USP40: variants seen among roughly 807,000 people sequenced by gnomAD.
The protein encoded by USP40 is ubiquitin specific peptidase 40.
USP40 carries 143 observed loss-of-function variants against 166.2 expected under a neutral mutation model. That is an observed-to-expected ratio of 0.86 (90% CI 0.75 to 0.99). The LOEUF (loss-of-function observed/expected upper bound fraction) is 0.99, where lower values mean the gene tolerates loss of function less well. Among genes scored for constraint, USP40 ranks in the 50% least tolerant of loss-of-function variants. The probability of loss-of-function intolerance (pLI) is 0.00; values close to 1 mark genes in which losing one functional copy is unlikely to be tolerated. For synonymous variants in USP40, 498 were observed against 524.0 expected, an observed-to-expected ratio of 0.95 and a Z score of 0.68; for missense variants, 1,444 against 1,479.7, an observed-to-expected ratio of 0.98 and a Z score of 0.40.
rs1361469272 is a variant in USP40 at position 233,554,574 on chromosome 2, CA to C, written c.547-49del. 4.8e-6 allele frequency: 7 copies of C among 1,460,218 alleles called. No homozygotes were observed. In the East Asian group the frequency reaches 1.7e-4, roughly 35 times the overall value. The allele number at this position is 1,460,218 out of a possible 1,614,324, so 90.5% of individuals were successfully genotyped here. The stretch of plus-strand genomic sequence containing the variant: ...ATTGAAAAACAATTTCAGAGGTTTA[CA>C]AACACATCATCAACTCACATATATA... On this transcript the variant is annotated intron_variant, in intron 5 of 31. Transcript: ENST00000678225.
chr2:233,565,431 C>A lies in USP40; in HGVS notation c.124G>T (p.Gly42Ter), dbSNP rs566205386. The A allele has an allele frequency of 6.5e-7, 1 of 1,537,220 alleles. No individual in the cohort carries two copies. The highest frequency in any genetic ancestry group is 8.7e-7 in the Non-Finnish European group (1 of 1,146,848). The change falls in exon 2 of 32, where the codon GGA (glycine) becomes TGA (stop). Residue 42 changes from glycine (G) to a stop codon, truncating the protein, a stop_gained. Coordinates refer to ENST00000678225, the MANE Select transcript of USP40 (RefSeq NM_001365479.2). LOFTEE classifies it high-confidence loss of function. ...CAGGTTCCACCCTGATTTCTGATTC[C>A]GCTTAAATTGGTGAATTCTCTAGGA... ...PAPREFTNLS[G>*]IRNQGGTCYL...
In USP40 at chr2:233,480,259, G is replaced by T. The variant is rs774094350; in HGVS notation, c.3599+944C>A. On this transcript the variant is annotated intron_variant, in intron 31 of 31. Coordinates refer to ENST00000678225, the MANE Select transcript of USP40 (RefSeq NM_001365479.2). The surrounding 1 kb of genome is among the most constrained non-coding windows in gnomAD (Gnocchi z 4.5). ...ATTAGGGTGAGCGGGGCCAGATCAG[G>T]CTCCTACAGTCATTTGGGCAGGGAA... Among the ~76,000 whole-genome samples, 1 of 152,164 alleles carries T rather than the reference G, an allele frequency of 6.6e-6. No individual in the cohort carries two copies. Among genetic ancestry groups the T allele is most frequent in the Admixed American group, 6.5e-5 (1 of 15,284 alleles).
chr2:233,513,845 C>T (rs2066993776), intron 18 of USP40, among the ~76,000 whole-genome samples: 1 of 150,550 alleles, frequency 6.6e-6, no homozygotes, highest in African/African-American at 2.5e-5. Flanking sequence ...AAAAGTAGGA[C>T]ATAAATTGGA....
In USP40 at chr2:233,486,442, AAG is replaced by A. The variant is rs1300310136; in HGVS notation, c.3198-467_3198-466del. 7.0e-4 allele frequency among the ~76,000 whole-genome samples: 107 copies of A among 152,170 alleles called. No homozygotes were observed. The highest frequency in any genetic ancestry group is 2.3e-3 in the African/African-American group (96 of 41,516). ...GAAGAACCTGAGGGTTGGAATTGGG[AAG>A]AGAGACACAGGGCGGGTGAGACACA... On this transcript the variant is annotated intron_variant, in intron 28 of 31. Transcript: ENST00000678225. The surrounding 1 kb of genome is among the most constrained non-coding windows in gnomAD (Gnocchi z 4.0).
At chr2:233,536,110 T>C (rs1293541612) in intron 10 of USP40, among the ~76,000 whole-genome samples, 2 of 152,080 alleles carry the variant, frequency 1.3e-5, no homozygotes, top group East Asian at 3.9e-4. Flanking sequence ...GATGGAATGG[T>C]CAATTCAAAA....
At chr2:233,549,034 C>T (rs2070272316) in intron 8 of USP40, 67 bp downstream of exon 8, 1 of 1,456,896 alleles carries the variant, frequency 6.9e-7, no homozygotes, top group African/African-American at 1.4e-5. Context: ...AACAAAATTT[C>T]CTCAACAAAA....
At chr2:233,511,129 C>T (rs957131556) in intron 20 of USP40, among the ~76,000 whole-genome samples, 2 of 152,152 alleles carry the variant, frequency 1.3e-5, no homozygotes, top group Non-Finnish European at 2.9e-5. Flanking sequence ...ATGATTTCTG[C>T]ACTGTAATAA....
intron 5 of USP40, 140 bp from the exon 6 acceptor site, chr2:233,554,666 T>C: frequency 3.4e-6 from 2 of 579,760 alleles, no homozygotes; most frequent in Non-Finnish European, 5.2e-6. Flanking sequence ...CCTGATTAGA[T>C]GTTGTGAAGT....
intron 18 of USP40, among the ~76,000 whole-genome samples, chr2:233,513,733 T>C (rs2066988580): frequency 1.3e-5 from 2 of 152,192 alleles, no homozygotes; most frequent in South Asian, 4.1e-4. Flanking sequence ...GCATGTGCTA[T>C]GTTTGAGGAT....
chr2:233,479,561 C>CAAAAAAA (rs1295940321), intron 31 of USP40, among the ~76,000 whole-genome samples: 9 of 96,340 alleles, frequency 9.3e-5, no homozygotes, highest in African/African-American at 3.1e-4. Context: ...GACTCCGTCG[C>CAAAAAAA]AAAAAAAAAA....
chr2:233,543,465 T>C (rs2069609182), intron 8 of USP40, among the ~76,000 whole-genome samples: 1 of 152,202 alleles, frequency 6.6e-6, no homozygotes, highest in Non-Finnish European at 1.5e-5. Context: ...GCAACTGCTA[T>C]GGCCAGAGTA....
intron 15 of USP40, 75 bp downstream of exon 15, chr2:233,524,417 A>G: frequency 7.6e-7 from 1 of 1,319,032 alleles, no homozygotes; most frequent in South Asian, 1.4e-5. Context: ...GGCATGAGCC[A>G]CCATGCCCGG....
intron 7 of USP40, among the ~76,000 whole-genome samples, chr2:233,549,854 A>G (rs1186566831): frequency 6.6e-6 from 1 of 152,096 alleles, no homozygotes; most frequent in Non-Finnish European, 1.5e-5. Context: ...TAATTCTATG[A>G]TCAACATTTT....
Position 233,510,651 on chromosome 2 carries a change from G to A in USP40, c.2527-516C>T, listed in dbSNP as rs574626413. ...ACTCCTGACTTCAGGTGATCCACCC[G>A]CCTCAGCCTCCCAAAGGGTTGGGAT... On this transcript the variant is annotated intron_variant, in intron 20 of 31. Coordinates refer to ENST00000678225, the MANE Select transcript of USP40 (RefSeq NM_001365479.2). 1.2e-4 allele frequency among the ~76,000 whole-genome samples: 18 copies of A among 151,938 alleles called. No individual in the cohort carries two copies. In the South Asian group the frequency reaches 2.3e-3, roughly 19 times the overall value.
intron 4 of USP40, among the ~76,000 whole-genome samples, chr2:233,558,758 G>A (rs2071321297): frequency 6.6e-6 from 1 of 152,074 alleles, no homozygotes; most frequent in Non-Finnish European, 1.5e-5. Flanking sequence ...TGAATTCTGT[G>A]GCATGTAAAT....
chr2:233,517,069 T>A (rs1483940958), intron 18 of USP40, among the ~76,000 whole-genome samples: 1 of 152,208 alleles, frequency 6.6e-6, no homozygotes, highest in African/African-American at 2.4e-5. Context: ...TCGATTTTGT[T>A]GTTGTTGTTG....
At chr2:233,529,236 T>G (rs1017508517) in intron 12 of USP40, among the ~76,000 whole-genome samples, 195 bp downstream of exon 12, 3 of 152,242 alleles carry the variant, frequency 2.0e-5, no homozygotes, top group Non-Finnish European at 4.4e-5. Context: ...ACCATTTAAT[T>G]CACTCTCACA....
chr2:233,514,437 TG>T (rs2067044392), intron 18 of USP40, among the ~76,000 whole-genome samples: 1 of 152,052 alleles, frequency 6.6e-6, no homozygotes, highest in African/African-American at 2.4e-5. Context: ...TAAGAAGTCT[TG>T]GGGGTTAAAG....
chr2:233,557,389 A>G (rs904455084), intron 4 of USP40, among the ~76,000 whole-genome samples: 5 of 152,256 alleles, frequency 3.3e-5, no homozygotes, highest in African/African-American at 1.2e-4. Context: ...CACCTCACTG[A>G]GATCAGAGCA....
Sources: gnomAD v4.1 joint callset for allele counts (sites outside exome capture counted in the v4.1 genomes callset) on GRCh38, gnomAD v4.1.1 for gene constraint, Gnocchi (gnomAD v3.1) non-coding constraint, MANE v1.5 for transcripts, NCBI Gene and HGNC (gene_info 2026-07-23, HGNC 2026-07-21) for gene names.